ALG6: variants seen among roughly 807,000 people sequenced by gnomAD.
ALG6 encodes ALG6 alpha-1,3-glucosyltransferase, also known as dolichyl pyrophosphate Man9GlcNAc2 alpha-1,3-glucosyltransferase.
A neutral mutation model predicts 66.6 loss-of-function variants in ALG6; 46 were observed. The ratio of observed to expected loss-of-function variants is 0.69; its 90% CI spans 0.55 to 0.88. The LOEUF (loss-of-function observed/expected upper bound fraction) is 0.88, where lower values mean the gene tolerates loss of function less well. Ranked by LOEUF, ALG6 falls within the 40% of genes least tolerant of loss-of-function variation. The pLI is 0.00. For synonymous variants in ALG6, 185 were observed against 203.7 expected (o/e 0.91, Z 0.78); for missense variants, 505 against 586.8 (o/e 0.86, Z 1.44).
chr1:63,422,239 ATATAAATATATATATT>A (rs1644583909), intron 12 of ALG6, among the ~76,000 whole-genome samples: 1 of 45,630 alleles, frequency 2.2e-5, no homozygotes, highest in Non-Finnish European at 3.5e-5. Context: ...ATAAATATAT[ATATAAATATATATATT>A]TATATAGATA....
rs1380497177 is a variant in ALG6, at chr1:63,429,090, A to G, written c.1290A>G (p.Pro430=). 6.2e-7 allele frequency: 1 copy of G among 1,603,626 alleles called. No homozygotes were observed. Among genetic ancestry groups the G allele is most frequent in the Admixed American group, 1.7e-5 (1 of 58,912 alleles). Reference sequence around the variant, plus strand: ...CCATTTCTGTGAGGAAATATCTTCCATGTTTTACATTTCTTTCCAGAATTA... The same window carrying G: ...CCATTTCTGTGAGGAAATATCTTCCGTGTTTTACATTTCTTTCCAGAATTA... ...SFSISVRKYL[P]CFTFLSRIIQ... is the part of the protein sequence containing the mutation. Residue 430 remains proline, a synonymous_variant, in exon 14 of 15, where the codon CCA becomes CCG. Transcript: ENST00000263440.
Position 63,402,289 on chromosome 1 carries a change from G to A in ALG6, c.203G>A (p.Trp68Ter). 1 of 1,611,122 alleles carries A rather than the reference G, an allele frequency of 6.2e-7. No homozygotes were observed. Among genetic ancestry groups the A allele is most frequent in the Non-Finnish European group, 8.5e-7 (1 of 1,177,860 alleles). The change falls in exon 4 of 15, where the codon TGG becomes TAG. Residue 68 changes from tryptophan to a stop codon, truncating the protein, a stop_gained. Coordinates refer to ENST00000263440, the MANE Select transcript of ALG6 (RefSeq NM_013339.4). LOFTEE classifies it high-confidence loss of function. ...FNSSDNNLQY[W>*]GLDYPPLTAY... ...AGCAGTGATAACAATTTACAGTATT[G>A]GGGATTGGATTACCCACCTCTTACA...
intron 2 of ALG6, among the ~76,000 whole-genome samples, chr1:63,375,460 A>C (rs1648093465): frequency 9.2e-6 from 1 of 109,088 alleles, no homozygotes; most frequent in Admixed American, 1.3e-4. Flanking sequence ...GGATTTCCCC[A>C]TGTTTGCCAG....
intron 14 of ALG6, among the ~76,000 whole-genome samples, chr1:63,435,507 CCAG>C (rs1167358162): frequency 1.3e-5 from 2 of 152,086 alleles, no homozygotes; most frequent in Non-Finnish European, 2.9e-5. Flanking sequence ...CATAATGTAG[CCAG>C]CAGTTAAGGC....
Position 63,429,070 on chromosome 1 carries a change from T to C in ALG6, c.1270T>C (p.Ser424Pro). The C allele has an allele frequency of 6.2e-7, 1 of 1,605,254 alleles. No individual in the cohort carries two copies. The highest frequency in any genetic ancestry group is 8.5e-7 in the Non-Finnish European group (1 of 1,175,750). Residue 424 changes from serine to proline, a missense_variant, in exon 14 of 15, where the codon TCT becomes CCT. Physicochemically the swap from Ser to Pro is moderately conservative, Grantham distance 74. Transcript: ENST00000263440. Reference sequence around the variant, plus strand: ...ACTGCAGTTGAAATCCTTTTCCATTTCTGTGAGGAAATATCTTCCATGTTT... The same window carrying C: ...ACTGCAGTTGAAATCCTTTTCCATTCCTGTGAGGAAATATCTTCCATGTTT... ...EELQLKSFSI[S>P]VRKYLPCFTF...
At chr1:63,385,184 C>CTTTTTTTTTTTTTTTT (rs1165046824) in intron 2 of ALG6, among the ~76,000 whole-genome samples, 1 of 58,954 alleles carries the variant, frequency 1.7e-5, no homozygotes, top group Non-Finnish European at 3.2e-5. Flanking sequence ...TTTACTTCTT[C>CTTTTTTTTTTTTTTTT]TTTTTTTTTT....
chr1:63,428,517 C>T (rs962406759), intron 12 of ALG6: 1 of 383,592 alleles, frequency 2.6e-6, no homozygotes, highest in Non-Finnish European at 4.6e-6. Flanking sequence ...AGCAGTTTTC[C>T]AATTATTATG....
chr1:63,414,878 A>AG (rs138533459), intron 10 of ALG6, among the ~76,000 whole-genome samples: 2,423 of 152,280 alleles, frequency 0.016, 27 homozygotes, highest in Non-Finnish European at 0.027. Flanking sequence ...GGGAATATCT[A>AG]GGGGGGAAGG....
chr1:63,381,550 A>AGG, intron 2 of ALG6, among the ~76,000 whole-genome samples: 1 of 151,792 alleles, frequency 6.6e-6, no homozygotes, highest in East Asian at 1.9e-4. Context: ...GTGGGGGCTG[A>AGG]GGGGGGATCC....
chr1:63,427,963 A>T (rs575895854), intron 12 of ALG6, among the ~76,000 whole-genome samples: 7 of 151,570 alleles, frequency 4.6e-5, no homozygotes, highest in Non-Finnish European at 8.9e-5. Flanking sequence ...CGCACCACCA[A>T]GCCCAGCTAA....
intron 2 of ALG6, among the ~76,000 whole-genome samples, chr1:63,393,650 C>A (rs1398553852): frequency 6.6e-6 from 1 of 152,144 alleles, no homozygotes; most frequent in Non-Finnish European, 1.5e-5. Context: ...CTTTGAATTT[C>A]AAAGTGCCAG....
intron 8 of ALG6, 143 bp from the exon 9 acceptor site, chr1:63,411,783 C>A: frequency 8.8e-7 from 1 of 1,136,570 alleles, no homozygotes; most frequent in Non-Finnish European, 1.3e-6. Context: ...GATTTGAGCA[C>A]ACTCCCATCT....
chr1:63,386,438 G>T (rs1648506319), intron 2 of ALG6, among the ~76,000 whole-genome samples: 1 of 152,072 alleles, frequency 6.6e-6, no homozygotes, highest in African/African-American at 2.4e-5. Flanking sequence ...GATGCCATCA[G>T]GTTCTAGGCT....
intron 7 of ALG6, among the ~76,000 whole-genome samples, chr1:63,408,887 C>T (rs1272684746): frequency 6.6e-6 from 1 of 152,184 alleles, no homozygotes; most frequent in Non-Finnish European, 1.5e-5. Context: ...TCAAACGATA[C>T]TCCTGCCTCA....
intron 4 of ALG6, among the ~76,000 whole-genome samples, chr1:63,403,189 A>C (rs1349565785): frequency 6.6e-6 from 1 of 150,642 alleles, no homozygotes; most frequent in East Asian, 2.0e-4. Context: ...TGAAAAACCT[A>C]GTTTTGTTTT....
At chr1:63,413,991 G>A (rs929608081) in intron 9 of ALG6, 70 bp from the exon 10 acceptor site, 4 of 1,161,278 alleles carry the variant, frequency 3.4e-6, no homozygotes, top group South Asian at 1.2e-5. Flanking sequence ...GAGATTATGG[G>A]CTGTACTTCA....
intron 2 of ALG6, among the ~76,000 whole-genome samples, chr1:63,391,942 C>T (rs1648685676): frequency 6.6e-6 from 1 of 152,124 alleles, no homozygotes; most frequent in Non-Finnish European, 1.5e-5. Context: ...TTCCTCTATA[C>T]TTGATCCAAA....
intron 2 of ALG6, among the ~76,000 whole-genome samples, chr1:63,376,077 G>C (rs1014361839): frequency 4.0e-5 from 6 of 151,682 alleles, no homozygotes; most frequent in African/African-American, 1.5e-4. Flanking sequence ...TGAGAAATGC[G>C]TCAATTGGCA....
chr1:63,407,736 C>A (rs753726932), intron 7 of ALG6, among the ~76,000 whole-genome samples: 1 of 151,896 alleles, frequency 6.6e-6, no homozygotes, highest in African/African-American at 2.4e-5. Context: ...GAAAAAAAGA[C>A]GACATTACAC....
Sources: gnomAD v4.1 joint callset for allele counts (sites outside exome capture counted in the v4.1 genomes callset) on GRCh38, gnomAD v4.1.1 for gene constraint, MANE v1.5 for transcripts, NCBI Gene and HGNC (gene_info 2026-07-23, HGNC 2026-07-21) for gene names.